The following GPN1 variants were observed in gnomAD, a reference collection of about 807,000 sequenced individuals.
GPN1 encodes ATP(GTP)-binding protein.
Under a neutral mutation model 55.9 loss-of-function variants are expected in GPN1, and 44 were observed. That is an observed-to-expected ratio of 0.79 (90% CI 0.62 to 1.01). The LOEUF (loss-of-function observed/expected upper bound fraction) is 1.01. Among genes scored for constraint, GPN1 ranks in the 50% least tolerant of loss-of-function variants. The pLI, the probability that GPN1 is intolerant of heterozygous loss-of-function variation, is 0.00. For missense variants in GPN1, 466 were observed against 462.8 expected (o/e 1.01, Z -0.06); for synonymous variants, 179 against 162.5 (o/e 1.10, Z -0.77).
At position 27,631,010 on chromosome 2, in the gene GPN1, CT is replaced by C. The variant is rs748581559; in HGVS notation, c.206-9del. Reference sequence around the variant, plus strand: ...TGTATGTATTACATTCCAGTTAATTCTTTTTTTTCTCCTCAGATATTCGTGA... The same window carrying C: ...TGTATGTATTACATTCCAGTTAATTCTTTTTTTCTCCTCAGATATTCGTGA... On this transcript the variant is annotated splice_polypyrimidine_tract_variant and intron_variant, in intron 2 of 13. Coordinates refer to ENST00000610189, the MANE Select transcript of GPN1 (RefSeq NM_007266.4). 60 of 1,201,380 alleles carry C rather than the reference CT, an allele frequency of 5.0e-5. No individual in the cohort carries two copies. Among genetic ancestry groups the C allele is most frequent in the South Asian group, 6.2e-5 (5 of 80,920 alleles). The allele number at this position is 1,201,380 out of a possible 1,614,324, so 74.4% of individuals were successfully genotyped here.
chr2:27,638,766 TAGAAGC>T, intron 8 of GPN1, 113 bp from the exon 9 acceptor site: 2 of 778,762 alleles, frequency 2.6e-6, no homozygotes, highest in Non-Finnish European at 4.0e-6. Flanking sequence ...GGAGGGGAAA[TAGAAGC>T]AGAGAAAGAA....
rs1430122851 is a variant in GPN1 at position 27,643,728 on chromosome 2, A to G, written c.931+1209A>G. 6.6e-6 allele frequency among the ~76,000 whole-genome samples: 1 copy of G among 152,122 alleles called. No homozygotes were observed. The highest frequency in any genetic ancestry group is 1.5e-5 in the Non-Finnish European group (1 of 68,018). The stretch of plus-strand genomic sequence containing the variant: ...GCATCCTTCAGTTTAGGTTTGTCTC[A>G]TGTTTCCTCATGATTTGATTCAGGT... On this transcript the variant is annotated intron_variant, in intron 12 of 13. Coordinates refer to ENST00000610189, the MANE Select transcript of GPN1 (RefSeq NM_007266.4). The surrounding 1 kb of genome is among the most constrained non-coding windows in gnomAD (Gnocchi z 4.0).
chr2:27,631,701 T>C, intron 3 of GPN1, 133 bp from the exon 4 acceptor site: 1 of 692,550 alleles, frequency 1.4e-6, no homozygotes, highest in South Asian at 1.6e-5. Flanking sequence ...GTTTGTATGG[T>C]AGTCAAGGAT....
rs202179483 is a variant in GPN1 at position 27,638,185 on chromosome 2, T to C, written c.525-25T>C. 114 of 1,388,764 alleles carry C rather than the reference T, an allele frequency of 8.2e-5. No individual in the cohort carries two copies. In the East Asian group the frequency reaches 2.2e-3, roughly 27 times the overall value. The allele number at this position is 1,388,764 out of a possible 1,614,324, so 86.0% of individuals were successfully genotyped here. ...GCAAGAGCTTATGTGCTTTTACTAATAACTTCTCAATGTTTGGTTTTCAGC... is the reference window on the plus strand; with the variant it reads ...GCAAGAGCTTATGTGCTTTTACTAACAACTTCTCAATGTTTGGTTTTCAGC... On this transcript the variant is annotated intron_variant, in intron 7 of 13. Coordinates refer to ENST00000610189, the MANE Select transcript of GPN1 (RefSeq NM_007266.4).
chr2:27,642,154 A>G (rs1468603117), intron 11 of GPN1: 4 of 333,590 alleles, frequency 1.2e-5, no homozygotes, highest in Non-Finnish European at 1.7e-5. Context: ...CCTGGACTGA[A>G]CTCAACACTT....
chr2:27,650,193 A>G lies in GPN1; in HGVS notation c.1118A>G (p.Asn373Ser), dbSNP rs1266724143. 2 of 1,578,052 alleles carry G rather than the reference A, an allele frequency of 1.3e-6. No homozygotes were observed. The highest frequency in any genetic ancestry group is 2.2e-5 in the East Asian group (1 of 44,674). ...ESMAQYWKRN[N>S]K ...ATGGCACAATACTGGAAGAGAAACA[A>G]TAAATAGGAGACTTTAGCACACTTC... The change falls in exon 14 of 14, where the codon AAT becomes AGT. Residue 373 changes from asparagine to serine, a missense_variant. Coordinates refer to ENST00000610189, the MANE Select transcript of GPN1 (RefSeq NM_007266.4).
At chr2:27,630,878 T>G (rs1352689934) in intron 2 of GPN1, 149 bp from the exon 3 acceptor site, 2 of 668,148 alleles carry the variant, frequency 3.0e-6, no homozygotes, top group African/African-American at 3.7e-5. Context: ...TACTTGGCAT[T>G]TATTCTTTGT....
intron 7 of GPN1, among the ~76,000 whole-genome samples, chr2:27,636,986 A>G (rs1252119755): frequency 6.6e-6 from 1 of 152,094 alleles, no homozygotes; most frequent in Admixed American, 6.6e-5. Context: ...CCAGCTGGTA[A>G]TCATTTCATG....
At chr2:27,641,180 TG>T in intron 10 of GPN1, 59 bp from the exon 11 acceptor site, 1 of 1,077,546 alleles carries the variant, frequency 9.3e-7, no homozygotes, top group Non-Finnish European at 1.4e-6. Context: ...TAAGGGGATG[TG>T]GAGAGTCAGT....
At position 27,642,409 on chromosome 2, in the gene GPN1, A is replaced by G. The variant is rs781613695; in HGVS notation, c.841-20A>G. The G allele has an allele frequency of 1.3e-5, 20 of 1,532,108 alleles. No homozygotes were observed. The highest frequency in any genetic ancestry group is 1.7e-5 in the Non-Finnish European group (19 of 1,107,550). The allele number at this position is 1,532,108 out of a possible 1,614,324, so 94.9% of individuals were successfully genotyped here. A position where few individuals can be genotyped will look rare whatever the true frequency, so the allele number is the denominator to read the frequency against. The stretch of plus-strand genomic sequence containing the variant: ...GGGACTCCTTTTTGAATATGATGAC[A>G]TTTTTCTCTGTATATACAGGCCAAC... On this transcript the variant is annotated intron_variant, in intron 11 of 13. Coordinates refer to ENST00000610189, the MANE Select transcript of GPN1 (RefSeq NM_007266.4).
At position 27,647,859 on chromosome 2, in the gene GPN1, C is replaced by G. The variant is rs767640017; in HGVS notation, c.955C>G (p.Pro319Ala). The G allele has an allele frequency of 6.2e-7, 1 of 1,612,404 alleles. No individual in the cohort carries two copies. Among genetic ancestry groups the G allele is most frequent in the East Asian group, 2.2e-5 (1 of 44,878 alleles). The change falls in exon 13 of 14, where the codon CCT becomes GCT. Residue 319 changes from proline (P) to alanine (A), a missense_variant. Transcript: ENST00000610189. ...AKDSLSPVLH[P>A]SDLILTRGTL... is the part of the protein sequence containing the mutation. Reference sequence around the variant, plus strand: ...AGACAGCTTATCTCCTGTGCTGCACCCTTCTGATTTGATCCTGACTCGAGG... The same window carrying G: ...AGACAGCTTATCTCCTGTGCTGCACGCTTCTGATTTGATCCTGACTCGAGG...
upstream of GPN1, chr2:27,628,838 C>T: frequency 6.8e-7 from 1 of 1,472,396 alleles, no homozygotes; most frequent in Non-Finnish European, 9.0e-7. Context: ...TAGCTCCCTT[C>T]AGCCTTCCTC....
chr2:27,638,009 A>G (rs1050110551), intron 7 of GPN1, among the ~76,000 whole-genome samples: 8 of 152,166 alleles, frequency 5.3e-5, no homozygotes, highest in African/African-American at 1.9e-4. Flanking sequence ...TACTTCAAAC[A>G]AGAGTGAGAG....
At chr2:27,639,303 G>T (rs967863814) in intron 9 of GPN1, among the ~76,000 whole-genome samples, 3 of 152,142 alleles carry the variant, frequency 2.0e-5, no homozygotes, top group African/African-American at 7.2e-5. Flanking sequence ...TGGAAGTTGG[G>T]CCTGATGATT....
In GPN1 at chr2:27,641,278, T is replaced by C. The variant is rs1673938119; in HGVS notation, c.839T>C (p.Leu280Pro). 6.2e-7 allele frequency: 1 copy of C among 1,602,406 alleles called. No individual in the cohort carries two copies. Among genetic ancestry groups the C allele is most frequent in the Non-Finnish European group, 8.5e-7 (1 of 1,169,656 alleles). ...GAATATGAACGTCTGAAAAAATCAC[T>C]GGTAAGAAGGGAGGCTGTTTGTATA... ...RPEYERLKKS[L>P]ANAESQQQRE... Residue 280 changes from leucine (L) to proline (P), a missense_variant and splice_region_variant, in exon 11 of 14, where the codon CTG becomes CCG. By Grantham distance (98) the Leu-to-Pro change is moderately conservative. Coordinates refer to ENST00000610189, the MANE Select transcript of GPN1 (RefSeq NM_007266.4).
chr2:27,635,104 C>T (rs1465684889), intron 6 of GPN1, 36 bp from the exon 7 acceptor site: 1 of 1,239,874 alleles, frequency 8.1e-7, no homozygotes, highest in Non-Finnish European at 1.2e-6. Flanking sequence ...GATCGTGAGC[C>T]CTCTGACCAA....
rs1317620998 is a variant in GPN1, at chr2:27,650,446, C to G, written c.*246C>G. 1 of 290,330 alleles carries G rather than the reference C, an allele frequency of 3.4e-6. No homozygotes were observed. Among genetic ancestry groups the G allele is most frequent in the Non-Finnish European group, 6.6e-6 (1 of 151,602 alleles). The allele number at this position is 290,330 out of a possible 1,614,324, so 18.0% of individuals were successfully genotyped here. On this transcript the variant is annotated 3_prime_UTR_variant, in exon 14 of 14. Coordinates refer to ENST00000610189, the MANE Select transcript of GPN1 (RefSeq NM_007266.4). ...TTGTATTTATGCAAGGAAGGATATA[C>G]TGAGCTGATACTCTTCCAAGCCTAC...
chr2:27,631,815 T>C lies in GPN1; in HGVS notation c.246-19T>C. On this transcript the variant is annotated intron_variant, in intron 3 of 13. Transcript: ENST00000610189. ...TAATCTAATCTATAAGCGATTTCAG[T>C]CCTCAACTTGGTGTCTAGATATGGA... The C allele has an allele frequency of 1.4e-6, 2 of 1,470,372 alleles. No individual in the cohort carries two copies. The highest frequency in any genetic ancestry group is 9.5e-7 in the Non-Finnish European group (1 of 1,048,720). 91.1% of individuals were successfully genotyped at this position (1,470,372 alleles called of 1,614,324 possible).
chr2:27,648,272 T>C (rs1465831460), intron 13 of GPN1, among the ~76,000 whole-genome samples: 3 of 152,120 alleles, frequency 2.0e-5, no homozygotes, highest in African/African-American at 7.2e-5. Context: ...GTAATCCCAC[T>C]GCTTTGGGAG....
Sources: allele counts gnomAD v4.1 joint callset (sites outside exome capture counted in the v4.1 genomes callset), GRCh38; gene constraint gnomAD v4.1.1; non-coding constraint Gnocchi (gnomAD v3.1); transcripts MANE v1.5; gene names NCBI Gene and HGNC (gene_info 2026-07-23, HGNC 2026-07-21).